The following ASCC3 variants were observed in gnomAD, a reference collection of about 807,000 sequenced individuals.
ASCC3 encodes the protein ASC-1 complex subunit P200.
In ASCC3, 158 loss-of-function variants were observed where a neutral mutation model predicts 256.3. The observed-to-expected ratio is 0.62, with a 90% CI of 0.54 to 0.70. The LOEUF (loss-of-function observed/expected upper bound fraction) is 0.70, where lower values mean the gene tolerates loss of function less well. Among genes scored for constraint, ASCC3 ranks in the 30% least tolerant of loss-of-function variants. The probability of loss-of-function intolerance (pLI) is 0.00; values close to 1 mark genes in which losing one functional copy is unlikely to be tolerated. For missense variants in ASCC3, 2,259 were observed against 2,626.0 expected (o/e 0.86, Z 3.05); for synonymous variants, 948 against 883.4 (o/e 1.07, Z -1.30).
chr6:100,757,011 T>C (rs922983679), intron 10 of ASCC3, among the ~76,000 whole-genome samples: 2 of 152,068 alleles, frequency 1.3e-5, no homozygotes, highest in South Asian at 2.1e-4. Context: ...ATAATAAAGG[T>C]GTTAACTTTG....
intron 13 of ASCC3, among the ~76,000 whole-genome samples, chr6:100,682,192 G>A (rs1488554289): frequency 6.6e-6 from 1 of 150,878 alleles, no homozygotes; most frequent in Admixed American, 6.6e-5. Flanking sequence ...TAAGAAAATC[G>A]GAATTAAAAT....
rs377751443 is a variant in ASCC3 at position 100,786,111 on chromosome 6, A to G, written c.1395+12602T>C. On this transcript the variant is annotated intron_variant, in intron 8 of 41. Transcript: ENST00000369162. ...CTCAATGGGGGATTTTAAAAGAGAA[A>G]CAAAACTTGGGCTGCACAATCATAA... is the stretch of plus-strand genomic sequence containing the variant. Among the ~76,000 whole-genome samples, 57 of 152,286 alleles carry G rather than the reference A, an allele frequency of 3.7e-4. No homozygotes were observed. The East Asian group carries it at 0.01, about 28-fold the overall frequency.
intron 36 of ASCC3, among the ~76,000 whole-genome samples, chr6:100,553,366 C>T (rs190332938): frequency 1.2e-3 from 177 of 152,098 alleles, no homozygotes; most frequent in Non-Finnish European, 2.1e-3. Flanking sequence ...CACTGACTAT[C>T]GGTAAGGTTC....
At position 100,625,271 on chromosome 6, in the gene ASCC3, C is replaced by T. The variant is rs375468925; in HGVS notation, c.4706G>A (p.Arg1569His). The T allele has an allele frequency of 1.7e-5, 27 of 1,612,828 alleles. No individual in the cohort carries two copies. Among genetic ancestry groups the T allele is most frequent in the Non-Finnish European group, 2.2e-5 (26 of 1,179,276 alleles). Residue 1569 changes from arginine to histidine, a missense_variant, in exon 30 of 42, where the codon CGT becomes CAT. Arg to His is a conservative substitution (Grantham distance 29, BLOSUM62 0). Transcript: ENST00000369162. ...GGCGATCAATTCCAAAGCAGTAAGA[C>T]GAGTTTGACGTCTTGATGAGACAAA... is the stretch of plus-strand genomic sequence containing the variant. ...LIFVSSRRQT[R>H]LTALELIAFL...
At chr6:100,792,253 CAG>C (rs1458141692) in intron 8 of ASCC3, among the ~76,000 whole-genome samples, 3 of 151,806 alleles carry the variant, frequency 2.0e-5, no homozygotes. Context: ...ATCATACAAA[CAG>C]TGCTAATTGG....
At chr6:100,822,053 G>C (rs975150447) in intron 4 of ASCC3, among the ~76,000 whole-genome samples, 2 of 152,064 alleles carry the variant, frequency 1.3e-5, no homozygotes, top group South Asian at 2.1e-4. Flanking sequence ...AAAGGTCAAA[G>C]ATTTCTTTTT....
chr6:100,808,957 G>A (rs1237834611), intron 4 of ASCC3, among the ~76,000 whole-genome samples: 2 of 151,684 alleles, frequency 1.3e-5, no homozygotes, highest in East Asian at 1.9e-4. Flanking sequence ...ATGTAAACAC[G>A]GACAAGATAC....
chr6:100,565,371 G>A (rs7757031), intron 36 of ASCC3, among the ~76,000 whole-genome samples: 2,780 of 152,122 alleles, frequency 0.018, 86 homozygotes, highest in African/African-American at 0.063. Context: ...TTTGCAAAGC[G>A]TCTTAGTGAA....
chr6:100,541,705 ATCCAATTAATGAT>A (rs1562105614), intron 36 of ASCC3, among the ~76,000 whole-genome samples: 5 of 152,210 alleles, frequency 3.3e-5, no homozygotes, highest in Admixed American at 3.3e-4. Flanking sequence ...AATGTATGTC[ATCCAATTAATGAT>A]TATCAACTAT....
intron 10 of ASCC3, among the ~76,000 whole-genome samples, chr6:100,727,818 T>C (rs146158408): frequency 6.6e-6 from 1 of 151,464 alleles, no homozygotes; most frequent in African/African-American, 2.4e-5. Flanking sequence ...ATCAAAATAG[T>C]GGTTTGGAGG....
At chr6:100,856,047 CA>C (rs1772926152) in intron 3 of ASCC3, among the ~76,000 whole-genome samples, 4 of 152,106 alleles carry the variant, frequency 2.6e-5, no homozygotes, top group Admixed American at 1.3e-4. Flanking sequence ...ATCAAGTACA[CA>C]GATATAATGC....
At chr6:100,788,005 T>C (rs1769174274) in intron 8 of ASCC3, among the ~76,000 whole-genome samples, 1 of 151,682 alleles carries the variant, frequency 6.6e-6, no homozygotes, top group Non-Finnish European at 1.5e-5. Flanking sequence ...TACTAATACA[T>C]TTGCTCCACT....
chr6:100,740,155 G>T (rs1780360218), intron 10 of ASCC3, among the ~76,000 whole-genome samples: 1 of 152,132 alleles, frequency 6.6e-6, no homozygotes, highest in African/African-American at 2.4e-5. Context: ...AATTTTGAAA[G>T]AACTTCTTGA....
At chr6:100,617,150 A>G (rs1436825096) in intron 30 of ASCC3, among the ~76,000 whole-genome samples, 1 of 152,074 alleles carries the variant, frequency 6.6e-6, no homozygotes, top group East Asian at 1.9e-4. Context: ...GATTACAGGC[A>G]CATGCCACCA....
chr6:100,579,156 T>C (rs1464411347), intron 36 of ASCC3, among the ~76,000 whole-genome samples: 1 of 151,678 alleles, frequency 6.6e-6, no homozygotes, highest in Non-Finnish European at 1.5e-5. Flanking sequence ...TTCATTCATC[T>C]CCTTTGCCCA....
intron 8 of ASCC3, among the ~76,000 whole-genome samples, chr6:100,795,106 G>A (rs1769542858): frequency 6.6e-6 from 1 of 152,042 alleles, no homozygotes; most frequent in African/African-American, 2.4e-5. Flanking sequence ...ACAGGGAAAG[G>A]AATTGGTTCA....
At chr6:100,810,194 C>A (rs79467796) in intron 4 of ASCC3, among the ~76,000 whole-genome samples, 2,030 of 152,204 alleles carry the variant, frequency 0.013, 19 homozygotes, top group East Asian at 0.045. Flanking sequence ...ACTCTGAAGG[C>A]ATGCTCTTTC....
chr6:100,657,277 T>C lies in ASCC3; in HGVS notation c.2704-1459A>G, dbSNP rs779479572. The stretch of plus-strand genomic sequence containing the variant: ...AAGCCATCCATAATGTAGGTAAATA[T>C]ATATACTCAGTGTAAACTGTAAGCC... On this transcript the variant is annotated intron_variant, in intron 16 of 41. Coordinates refer to ENST00000369162, the MANE Select transcript of ASCC3 (RefSeq NM_006828.4). Among the ~76,000 whole-genome samples the C allele has an allele frequency of 8.0e-4, 121 of 151,476 alleles. 1 individual carries two copies. Among genetic ancestry groups the C allele is most frequent in the Non-Finnish European group, 1.2e-4 (8 of 67,506 alleles).
rs1582956321 is a variant in ASCC3, at chr6:100,848,131, A to G, written c.801+17T>C. On this transcript the variant is annotated intron_variant, in intron 4 of 41. Transcript: ENST00000369162. ...TAGTTCACATTAATATAAAAAAATA[A>G]ATCATTTCAACTATACCTCATCCTG... The G allele has an allele frequency of 5.1e-6, 8 of 1,554,798 alleles. No homozygotes were observed. Among genetic ancestry groups the G allele is most frequent in the Non-Finnish European group, 6.9e-6 (8 of 1,157,570 alleles).
Sources: gnomAD v4.1 joint callset for allele counts (sites outside exome capture counted in the v4.1 genomes callset) on GRCh38, gnomAD v4.1.1 for gene constraint, MANE v1.5 for transcripts, NCBI Gene and HGNC (gene_info 2026-07-23, HGNC 2026-07-21) for gene names.